Variants in POLN observed in about 807,000 individuals in gnomAD.
POLN encodes DNA polymerase N.
Under a neutral mutation model 113.5 loss-of-function variants are expected in POLN, and 108 were observed. That is an observed-to-expected ratio of 0.95 (90% CI 0.81 to 1.12). POLN has a LOEUF of 1.12. Among genes scored for constraint, POLN ranks in the 50% most tolerant of loss-of-function variants. The pLI, the probability that POLN is intolerant of heterozygous loss-of-function variation, is 0.00. For synonymous variants in POLN, 386 were observed against 391.5 expected (o/e 0.99, Z 0.17); for missense variants, 1,097 against 1,077.1 (o/e 1.02, Z -0.26).
chr4:2,214,891 A>G (rs1470892639), intron 3 of POLN, among the ~76,000 whole-genome samples: 1 of 151,332 alleles, frequency 6.6e-6, no homozygotes, highest in Admixed American at 6.6e-5. Context: ...ATACACATAC[A>G]TATACATATA....
chr4:2,116,266 C>A (rs764922652), intron 19 of POLN, among the ~76,000 whole-genome samples: 1 of 152,202 alleles, frequency 6.6e-6, no homozygotes, highest in African/African-American at 2.4e-5. Context: ...CACCAACCCA[C>A]ATGTTAATTA....
chr4:2,150,595 G>A (rs1732268307), intron 16 of POLN, among the ~76,000 whole-genome samples: 2 of 151,804 alleles, frequency 1.3e-5, no homozygotes, highest in Admixed American at 6.6e-5. Context: ...AACCTTACTC[G>A]AAAGCTACAA....
rs555705488 is a variant in POLN, at chr4:2,127,611, C to T, written c.1982+502G>A. 2.6e-3 allele frequency among the ~76,000 whole-genome samples: 396 copies of T among 152,256 alleles called. 2 individuals are homozygous for T. The highest frequency in any genetic ancestry group is 3.2e-3 in the Non-Finnish European group (219 of 68,014). On this transcript the variant is annotated intron_variant, in intron 19 of 25. Transcript: ENST00000511885. This position sits in a 1 kb window ranked among gnomAD's most constrained non-coding sequence, Gnocchi z 4.7. The stretch of plus-strand genomic sequence containing the variant: ...GTCCTGAGAATATGATGAAAAAGGA[C>T]GGGCCTGGGACGACACTGCCAAGCT...
At chr4:2,215,854 ACAT>A (rs1416656058) in intron 3 of POLN, among the ~76,000 whole-genome samples, 7 of 152,162 alleles carry the variant, frequency 4.6e-5, no homozygotes, top group Admixed American at 2.0e-4. Context: ...GTTGCAAATT[ACAT>A]TCATCTCCCT....
chr4:2,189,591 A>G (rs1733384317), intron 7 of POLN, among the ~76,000 whole-genome samples: 1 of 149,940 alleles, frequency 6.7e-6, no homozygotes, highest in African/African-American at 2.5e-5. Context: ...GTAAGCCAAG[A>G]TTGTGCCACT....
intron 23 of POLN, 136 bp downstream of exon 23, chr4:2,080,822 T>C (rs1730393485): frequency 1.9e-6 from 3 of 1,550,776 alleles, no homozygotes; most frequent in South Asian, 1.2e-5. Flanking sequence ...GGGCCTTCCA[T>C]GGGCTGAGAG....
At chr4:2,079,648 G>A (rs761352649) in intron 23 of POLN, 80 of 967,340 alleles carry the variant, frequency 8.3e-5, no homozygotes, top group Non-Finnish European at 9.0e-5. Context: ...GCAGTGGTGC[G>A]ATCTTGGCAC....
At chr4:2,223,185 T>C (rs1225680531) in intron 3 of POLN, among the ~76,000 whole-genome samples, 1 of 152,142 alleles carries the variant, frequency 6.6e-6, no homozygotes, top group African/African-American at 2.4e-5. Flanking sequence ...CATGCAGGGA[T>C]ATGTTCTGAG....
At chr4:2,158,846 T>G (rs546295458) in intron 14 of POLN, among the ~76,000 whole-genome samples, 2 of 152,298 alleles carry the variant, frequency 1.3e-5, no homozygotes, top group South Asian at 4.1e-4. Flanking sequence ...GCTTTGAGAC[T>G]AGGTACTGCT....
chr4:2,203,894 G>C (rs942596594), intron 5 of POLN, among the ~76,000 whole-genome samples: 22 of 152,118 alleles, frequency 1.4e-4, no homozygotes, highest in African/African-American at 5.3e-4. Flanking sequence ...TGGATCACCT[G>C]AGGTCAGGAG....
chr4:2,089,558 C>T lies in POLN; in HGVS notation c.2066-3814G>A, dbSNP rs1394494766. 4 of 1,147,276 alleles carry T rather than the reference C, an allele frequency of 3.5e-6. No individual in the cohort carries two copies. In the African/African-American group the frequency reaches 6.3e-5, roughly 18 times the overall value. 71.1% of individuals were successfully genotyped at this position (1,147,276 alleles called of 1,614,324 possible). Reference sequence around the variant, plus strand: ...ATGTAATTCTTGGCACTTTGTTCAACTAAAGAAACACTTCCAACTTCAGTT... The same window carrying T: ...ATGTAATTCTTGGCACTTTGTTCAATTAAAGAAACACTTCCAACTTCAGTT... On this transcript the variant is annotated intron_variant, in intron 20 of 25. Transcript: ENST00000511885.
intron 20 of POLN, among the ~76,000 whole-genome samples, chr4:2,095,012 G>C (rs1464408095): frequency 6.6e-6 from 1 of 152,158 alleles, no homozygotes; most frequent in Non-Finnish European, 1.5e-5. Flanking sequence ...GGTCTGAACA[G>C]GCTTAAGAAG....
rs1730153205 is a variant in POLN at position 2,071,974 on chromosome 4, G to C, written c.*140C>G. On this transcript the variant is annotated 3_prime_UTR_variant, in exon 26 of 26. Transcript: ENST00000511885. The surrounding 1 kb of genome is among the most constrained non-coding windows in gnomAD (Gnocchi z 5.2). ...ACAAGGATGAGGAGGGCTTTGCACA[G>C]GCATTTACTCCAGGGGATGGCGGGC... 2 of 932,314 alleles carry C rather than the reference G, an allele frequency of 2.1e-6. No homozygotes were observed. The highest frequency in any genetic ancestry group is 3.5e-6 in the Non-Finnish European group (2 of 567,154). The allele number at this position is 932,314 out of a possible 1,614,324, so 57.8% of individuals were successfully genotyped here.
At chr4:2,217,409 T>A (rs1734139090) in intron 3 of POLN, among the ~76,000 whole-genome samples, 1 of 152,182 alleles carries the variant, frequency 6.6e-6, no homozygotes. Flanking sequence ...CCAGCACCAA[T>A]GATGTCATGG....
At chr4:2,151,581 G>A (rs1732297131) in intron 16 of POLN, among the ~76,000 whole-genome samples, 1 of 152,174 alleles carries the variant, frequency 6.6e-6, no homozygotes, top group Non-Finnish European at 1.5e-5. Flanking sequence ...TTGATCAACA[G>A]GTGAACTCAT....
intron 19 of POLN, among the ~76,000 whole-genome samples, chr4:2,119,348 C>A (rs1731388539): frequency 1.3e-5 from 2 of 152,180 alleles, no homozygotes; most frequent in African/African-American, 4.8e-5. Flanking sequence ...GAAGAAGGCG[C>A]CTTAATGGCA....
intron 13 of POLN, among the ~76,000 whole-genome samples, chr4:2,166,304 C>T (rs576020783): frequency 5.3e-5 from 8 of 152,328 alleles, no homozygotes; most frequent in Admixed American, 5.2e-4. Context: ...AGGCCTTGTT[C>T]TTATTCCTTG....
At chr4:2,115,276 C>G (rs1731290827) in intron 19 of POLN, among the ~76,000 whole-genome samples, 1 of 148,854 alleles carries the variant, frequency 6.7e-6, no homozygotes, top group Non-Finnish European at 1.5e-5. Context: ...CCATGTTGGC[C>G]AGGCTGGTTT....
At chr4:2,187,991 C>T (rs1369882939) in intron 7 of POLN, among the ~76,000 whole-genome samples, 2 of 152,096 alleles carry the variant, frequency 1.3e-5, no homozygotes, top group Admixed American at 1.3e-4. Flanking sequence ...TAGAACACAC[C>T]TATAGTCCCG....
Sources: gnomAD v4.1 joint callset for allele counts (sites outside exome capture counted in the v4.1 genomes callset) on GRCh38, gnomAD v4.1.1 for gene constraint, Gnocchi (gnomAD v3.1) non-coding constraint, MANE v1.5 for transcripts, NCBI Gene and HGNC (gene_info 2026-07-23, HGNC 2026-07-21) for gene names.